RBM47: variants seen among roughly 807,000 people sequenced by gnomAD.
RBM47 encodes the protein RNA-binding protein 47.
RBM47 carries 21 observed loss-of-function variants against 47.1 expected under a neutral mutation model. That is an observed-to-expected ratio of 0.45 (90% CI 0.32 to 0.64). RBM47 has a LOEUF of 0.64. Among genes scored for constraint, RBM47 ranks in the 30% least tolerant of loss-of-function variants. The pLI is 0.05. For missense variants in RBM47, 708 were observed against 870.9 expected, an observed-to-expected ratio of 0.81 and a Z score of 2.35; for synonymous variants, 375 against 361.7, an observed-to-expected ratio of 1.04 and a Z score of -0.42.
chr4:40,549,884 T>A (rs1729397574), intron 1 of RBM47, among the ~76,000 whole-genome samples: 1 of 151,956 alleles, frequency 6.6e-6, no homozygotes, highest in Non-Finnish European at 1.5e-5. Flanking sequence ...TTTCACCATG[T>A]TGGTCTCGAA....
chr4:40,437,991 G>A lies in RBM47; in HGVS notation c.903C>T (p.Leu301=), dbSNP rs1253969034. Residue 301 remains leucine (L), a synonymous_variant, in exon 4 of 7, where the codon CTC becomes CTT. Coordinates refer to ENST00000295971, the MANE Select transcript of RBM47 (RefSeq NM_001098634.2). ...REDAVHAMNN[L]NGTELEGSCL... is the part of the protein sequence containing the mutation. ...ACGAGCCCTCCAGCTCAGTGCCGTT[G>A]AGGTTGTTCATGGCATGCACGGCAT... 6.2e-7 allele frequency: 1 copy of A among 1,613,500 alleles called. No individual in the cohort carries two copies. The highest frequency in any genetic ancestry group is 1.3e-5 in the African/African-American group (1 of 74,946).
At chr4:40,465,693 G>A (rs1577703343) in intron 3 of RBM47, among the ~76,000 whole-genome samples, 1 of 150,988 alleles carries the variant, frequency 6.6e-6, no homozygotes, top group Non-Finnish European at 1.5e-5. Context: ...AAAAAAAAAA[G>A]AGAGATCTTG....
At chr4:40,615,301 G>A (rs984942588) in intron 1 of RBM47, among the ~76,000 whole-genome samples, 4 of 151,826 alleles carry the variant, frequency 2.6e-5, no homozygotes, top group African/African-American at 9.7e-5. Flanking sequence ...AAATTGGCCA[G>A]GCATGAGGGT....
At chr4:40,561,127 T>C (rs1396554826) in intron 1 of RBM47, among the ~76,000 whole-genome samples, 2 of 151,790 alleles carry the variant, frequency 1.3e-5, no homozygotes, top group African/African-American at 4.8e-5. Context: ...CCACTTTCAG[T>C]AAAGAAGACT....
At chr4:40,585,252 T>A (rs1254521256) in intron 1 of RBM47, among the ~76,000 whole-genome samples, 1 of 152,174 alleles carries the variant, frequency 6.6e-6, no homozygotes, top group African/African-American at 2.4e-5. Flanking sequence ...AAAACTTTGC[T>A]GTCCATAGGG....
chr4:40,603,087 T>C (rs1735429002), intron 1 of RBM47, among the ~76,000 whole-genome samples: 1 of 152,190 alleles, frequency 6.6e-6, no homozygotes, highest in South Asian at 2.1e-4. Flanking sequence ...ATAGTACTTA[T>C]ATAGTCAGCA....
chr4:40,507,831 T>C (rs1020181191), intron 2 of RBM47, among the ~76,000 whole-genome samples: 1 of 149,452 alleles, frequency 6.7e-6, no homozygotes. Context: ...CAAAACAAAT[T>C]TGAAGGGAAA....
upstream of RBM47, chr4:40,629,899 C>G (rs531037014): frequency 2.6e-5 from 4 of 152,430 alleles, no homozygotes; most frequent in East Asian, 7.7e-4. Flanking sequence ...TCTCTCCTCC[C>G]GCCGCCCGCC....
At chr4:40,616,816 G>GTC (rs998111428) in intron 1 of RBM47, among the ~76,000 whole-genome samples, 79 of 150,324 alleles carry the variant, frequency 5.3e-4, no homozygotes, top group African/African-American at 1.8e-3. Context: ...GAATTTGCAT[G>GTC]TCTCTCAGTG....
chr4:40,506,918 T>C (rs1384134173), intron 2 of RBM47, among the ~76,000 whole-genome samples: 4 of 152,048 alleles, frequency 2.6e-5, no homozygotes, highest in African/African-American at 9.6e-5. Context: ...GCGAATCACT[T>C]GAGGTCAAAA....
chr4:40,598,766 T>C (rs565019385), intron 1 of RBM47, among the ~76,000 whole-genome samples: 7 of 151,966 alleles, frequency 4.6e-5, no homozygotes, highest in African/African-American at 1.7e-4. Flanking sequence ...ACATTCTATA[T>C]TCTATAGTGT....
At chr4:40,599,626 A>T (rs4241704) in intron 1 of RBM47, among the ~76,000 whole-genome samples, 108,044 of 151,744 alleles carry the variant, frequency 0.71, 38,957 homozygotes, top group African/African-American at 0.73. Context: ...CCAACCACCC[A>T]GCAGGAGAGG....
At chr4:40,469,963 T>TA (rs1421395273) in intron 2 of RBM47, among the ~76,000 whole-genome samples, 1 of 152,174 alleles carries the variant, frequency 6.6e-6, no homozygotes, top group African/African-American at 2.4e-5. Context: ...ATGTTTGCCA[T>TA]AAAAATCTTC....
At chr4:40,436,686 G>A in intron 4 of RBM47, 39 bp from the exon 5 acceptor site, 1 of 1,595,070 alleles carries the variant, frequency 6.3e-7, no homozygotes, top group South Asian at 1.1e-5. Context: ...GCAACCAACA[G>A]TGACGGTGCT....
chr4:40,619,651 C>T (rs770149772), intron 1 of RBM47, among the ~76,000 whole-genome samples: 19 of 152,156 alleles, frequency 1.2e-4, no homozygotes, highest in Non-Finnish European at 2.5e-4. Context: ...GCTACTCCAT[C>T]TAGCGAAGAT....
chr4:40,569,032 C>CAGACAGACAGAT (rs1488684510), intron 1 of RBM47, among the ~76,000 whole-genome samples: 19 of 143,278 alleles, frequency 1.3e-4, no homozygotes, highest in African/African-American at 5.3e-4. Flanking sequence ...GACAGACAGA[C>CAGACAGACAGAT]AGACAGACAG....
intron 1 of RBM47, among the ~76,000 whole-genome samples, chr4:40,621,688 A>G (rs960433260): frequency 4.6e-5 from 7 of 152,278 alleles, no homozygotes; most frequent in African/African-American, 1.7e-4. Context: ...ATATAGTAAC[A>G]TAAGTCAGTC....
intron 1 of RBM47, among the ~76,000 whole-genome samples, chr4:40,607,952 A>G (rs1481027311): frequency 1.3e-5 from 2 of 151,904 alleles, no homozygotes; most frequent in African/African-American, 4.8e-5. Flanking sequence ...TAAAATACAA[A>G]AAATTGGCCA....
At chr4:40,514,966 C>T (rs1725399476) in intron 2 of RBM47, among the ~76,000 whole-genome samples, 1 of 152,182 alleles carries the variant, frequency 6.6e-6, no homozygotes. Context: ...TGGAGTTCAC[C>T]GGCGAATATG....
Sources: gnomAD v4.1 joint callset for allele counts (sites outside exome capture counted in the v4.1 genomes callset) on GRCh38, gnomAD v4.1.1 for gene constraint, MANE v1.5 for transcripts, NCBI Gene and HGNC (gene_info 2026-07-23, HGNC 2026-07-21) for gene names.